The following SOS1 variants were observed in gnomAD, a reference collection of about 807,000 sequenced individuals.
The protein encoded by SOS1 is son of sevenless homolog 1.
SOS1 carries 25 observed loss-of-function variants against 157.6 expected under a neutral mutation model. The observed-to-expected ratio is 0.16, with a 90% confidence interval of 0.12 to 0.22. The LOEUF is 0.22. Ranked by LOEUF, SOS1 falls within the 10% of genes least tolerant of loss-of-function variation. The pLI is 1.00. For synonymous variants in SOS1, 528 were observed against 534.0 expected (o/e 0.99, Z 0.16); for missense variants, 1,237 against 1,599.1 (o/e 0.77, Z 3.86).
chr2:39,082,822 G>A (rs767817004), intron 1 of SOS1: 1 of 152,184 alleles, frequency 6.6e-6, no homozygotes, highest in Non-Finnish European at 1.5e-5. Context: ...GTTTTATTTG[G>A]GAAGAAAGAA....
intron 1 of SOS1, among the ~76,000 whole-genome samples, chr2:39,100,918 CA>C (rs1672943221): frequency 6.6e-6 from 1 of 151,812 alleles, no homozygotes. Flanking sequence ...GACCTTGTCT[CA>C]AAAAAATAAT....
At chr2:39,006,681 C>T in intron 16 of SOS1, 152 bp from the exon 17 acceptor site, 2 of 660,594 alleles carry the variant, frequency 3.0e-6, no homozygotes, top group South Asian at 3.6e-5. Context: ...AATAAATTAT[C>T]TTCATAGACC....
intron 21 of SOS1, 119 bp from the exon 22 acceptor site, chr2:38,987,710 G>A (rs1668597766): frequency 5.9e-6 from 4 of 683,662 alleles, no homozygotes; most frequent in East Asian, 5.4e-5. Flanking sequence ...AATACCAAAA[G>A]CTGTTCAATA....
intron 10 of SOS1, among the ~76,000 whole-genome samples, chr2:39,015,093 C>T (rs1036502959): frequency 2.0e-5 from 3 of 151,976 alleles, no homozygotes; most frequent in African/African-American, 7.2e-5. Context: ...TTAAACTCAT[C>T]GGCCACAGGA....
Position 39,051,190 on chromosome 2 carries a change from C to T in SOS1, c.818G>A (p.Gly273Asp). ...GCTTCCTACTAGTGGATGGGGACTG[C>T]CTTCATCTGTCATTTCTACTGTATC... ...IEDTVEMTDE[G>D]SPHPLVGSCF... is the part of the protein sequence containing the mutation. The change falls in exon 6 of 23, where the codon GGC (glycine) becomes GAC (aspartate). Residue 273 changes from glycine to aspartate, a missense_variant. Around this residue, in one of 15 missense-constraint regions of SOS1, gnomAD observed 108 missense variants for 115.3 expected, o/e 0.94. Transcript: ENST00000402219. The T allele has an allele frequency of 1.2e-6, 2 of 1,613,646 alleles. No individual in the cohort carries two copies. The highest frequency in any genetic ancestry group is 1.7e-6 in the Non-Finnish European group (2 of 1,179,644).
chr2:39,068,764 T>C (rs562405066), intron 1 of SOS1, among the ~76,000 whole-genome samples: 4 of 152,306 alleles, frequency 2.6e-5, no homozygotes, highest in Non-Finnish European at 4.4e-5. Flanking sequence ...ATTTCTTTAG[T>C]TGAATCTCAG....
intron 19 of SOS1, among the ~76,000 whole-genome samples, 195 bp from the exon 20 acceptor site, chr2:38,995,582 GT>G (rs757785342): frequency 6.6e-6 from 1 of 152,140 alleles, no homozygotes; most frequent in Non-Finnish European, 1.5e-5. Flanking sequence ...TATCTAAATT[GT>G]TAAAGAATGC....
intron 1 of SOS1, among the ~76,000 whole-genome samples, chr2:39,102,012 C>A (rs1026970230): frequency 1.3e-4 from 20 of 149,376 alleles, no homozygotes; most frequent in African/African-American, 4.5e-4. Context: ...TCGAGACCAG[C>A]CTGACCAACA....
At chr2:39,033,157 G>A (rs889242713) in intron 8 of SOS1, among the ~76,000 whole-genome samples, 4 of 136,970 alleles carry the variant, frequency 2.9e-5, no homozygotes, top group African/African-American at 8.2e-5. Flanking sequence ...TGCAACCTTC[G>A]CCTCCCAGGT....
intron 1 of SOS1, among the ~76,000 whole-genome samples, chr2:39,103,685 T>A (rs1298563056): frequency 1.3e-5 from 2 of 151,966 alleles, no homozygotes. Context: ...AAACCATAAA[T>A]CTCTTAGAAG....
At chr2:39,100,112 C>G (rs948582757) in intron 1 of SOS1, among the ~76,000 whole-genome samples, 1 of 152,162 alleles carries the variant, frequency 6.6e-6, no homozygotes, top group African/African-American at 2.4e-5. Flanking sequence ...CAAATCAAAA[C>G]CACAATGAGA....
chr2:39,012,821 C>T (rs1357943729), intron 13 of SOS1, among the ~76,000 whole-genome samples: 13 of 152,098 alleles, frequency 8.5e-5, no homozygotes, highest in Non-Finnish European at 4.4e-5. Flanking sequence ...TGATGTGGCT[C>T]TGTTTTATAT....
chr2:39,000,833 A>T (rs1408978977), intron 17 of SOS1, among the ~76,000 whole-genome samples: 1 of 152,244 alleles, frequency 6.6e-6, no homozygotes, highest in Non-Finnish European at 1.5e-5. Context: ...GATTGAATGA[A>T]AGAAGTATAT....
In SOS1 at chr2:39,056,815, C is replaced by A; in HGVS notation, c.397G>T (p.Val133Phe). The A allele has an allele frequency of 6.2e-7, 1 of 1,607,014 alleles. No individual in the cohort carries two copies. The highest frequency in any genetic ancestry group is 8.5e-7 in the Non-Finnish European group (1 of 1,173,636). Residue 133 changes from valine (V) to phenylalanine (F), a missense_variant, in exon 4 of 23, where the codon GTC (valine) becomes TTC (phenylalanine). Physicochemically the swap from Val to Phe is conservative, Grantham distance 50. Around this residue, in one of 15 missense-constraint regions of SOS1, gnomAD observed 37 missense variants for 38.5 expected, o/e 0.96. Transcript: ENST00000402219. ...ATGTCTGCAGAAATGTATTCTAAGA[C>A]TGCTACTATGTAAACAGAAACCTGG... ...DHQVSVYIVA[V>F]LEYISADILK...
chr2:39,011,254 C>G (rs6725356), intron 14 of SOS1, among the ~76,000 whole-genome samples: 141,798 of 152,270 alleles, frequency 0.93, 66,143 homozygotes, highest in African/African-American at 0.97. Context: ...TTTTAGCGTT[C>G]CTTTATAGTA....
intron 6 of SOS1, among the ~76,000 whole-genome samples, chr2:39,040,924 T>C (rs939153945): frequency 6.6e-6 from 1 of 152,242 alleles, no homozygotes; most frequent in African/African-American, 2.4e-5. Context: ...GCAAACTGTC[T>C]GCCAAGCAGT....
At chr2:38,996,091 CTTTTTTT>C (rs373919767) in intron 19 of SOS1, among the ~76,000 whole-genome samples, 1 of 147,046 alleles carries the variant, frequency 6.8e-6, no homozygotes, top group Non-Finnish European at 1.5e-5. Context: ...GGATTCTTGA[CTTTTTTT>C]TTTTGAGACG....
At position 39,078,991 on chromosome 2, in the gene SOS1, T is replaced by C. The variant is rs542512151; in HGVS notation, c.88-11238A>G. ...AGGAGAATTGCTTGAACCTGGGAGGTGAAGGTTGCAGTGAGCCAAGATTGC... is the reference window on the plus strand; with the variant it reads ...AGGAGAATTGCTTGAACCTGGGAGGCGAAGGTTGCAGTGAGCCAAGATTGC... On this transcript the variant is annotated intron_variant, in intron 1 of 22. Coordinates refer to ENST00000402219, the MANE Select transcript of SOS1 (RefSeq NM_005633.4). Among the ~76,000 whole-genome samples, 18 of 124,798 alleles carry C rather than the reference T, an allele frequency of 1.4e-4. No individual in the cohort carries two copies. The South Asian group carries it at 4.5e-3, about 31-fold the overall frequency. The allele number at this position is 124,798 out of a possible 152,430, so 81.9% of individuals were successfully genotyped here.
At chr2:39,045,273 A>AGAGAGAGAGAGAGTGT (rs138343013) in intron 6 of SOS1, among the ~76,000 whole-genome samples, 7 of 108,090 alleles carry the variant, frequency 6.5e-5, no homozygotes, top group African/African-American at 2.4e-4. Flanking sequence ...AGAGAGAGAG[A>AGAGAGAGAGAGAGTGT]GTGTGTGTGT....
Sources: gnomAD v4.1 joint callset for allele counts (sites outside exome capture counted in the v4.1 genomes callset) on GRCh38, gnomAD v4.1.1 for gene constraint, gnomAD v4.1.1 regional missense constraint, MANE v1.5 for transcripts, NCBI Gene and HGNC (gene_info 2026-07-23, HGNC 2026-07-21) for gene names.